OSBPL1A: variants seen among roughly 807,000 people sequenced by gnomAD.
The protein encoded by OSBPL1A is oxysterol-binding protein-related protein 1.
OSBPL1A carries 80 observed loss-of-function variants against 137.1 expected under a neutral mutation model. That is an observed-to-expected ratio of 0.58 (90% CI 0.49 to 0.70). The LOEUF (loss-of-function observed/expected upper bound fraction) is 0.70, where lower values mean the gene tolerates loss of function less well. Among genes scored for constraint, OSBPL1A ranks in the 30% least tolerant of loss-of-function variants. OSBPL1A has a pLI of 0.00. For synonymous variants in OSBPL1A, 365 were observed against 389.7 expected, an observed-to-expected ratio of 0.94 and a Z score of 0.75; for missense variants, 970 against 1,129.4, an observed-to-expected ratio of 0.86 and a Z score of 2.02.
At chr18:24,318,296 T>A (rs2090773245) in intron 9 of OSBPL1A, among the ~76,000 whole-genome samples, 1 of 151,852 alleles carries the variant, frequency 6.6e-6, no homozygotes, top group South Asian at 2.1e-4. Context: ...ACACAAAAAT[T>A]AGCCAGGCAC....
chr18:24,260,449 A>G (rs2089416473), intron 15 of OSBPL1A, among the ~76,000 whole-genome samples: 1 of 152,254 alleles, frequency 6.6e-6, no homozygotes, highest in South Asian at 2.1e-4. Context: ...TGTGATATAT[A>G]CATACCATAC....
At chr18:24,229,161 C>T (rs2088188182) in intron 16 of OSBPL1A, among the ~76,000 whole-genome samples, 1 of 152,146 alleles carries the variant, frequency 6.6e-6, no homozygotes, top group Non-Finnish European at 1.5e-5. Flanking sequence ...AAGATTGAAC[C>T]ACTGTACTCC....
chr18:24,167,822 T>C (rs375654662), intron 24 of OSBPL1A, among the ~76,000 whole-genome samples: 5 of 152,200 alleles, frequency 3.3e-5, no homozygotes, highest in Non-Finnish European at 7.3e-5. Context: ...CACTTACAAA[T>C]TGTAAATCAT....
chr18:24,298,574 G>A (rs148870349), intron 14 of OSBPL1A, among the ~76,000 whole-genome samples: 63 of 152,198 alleles, frequency 4.1e-4, no homozygotes, highest in African/African-American at 1.4e-3. Flanking sequence ...CTCGATCTCC[G>A]GACCTCGTGT....
chr18:24,349,061 G>C (rs370414237), intron 4 of OSBPL1A, among the ~76,000 whole-genome samples: 5 of 152,246 alleles, frequency 3.3e-5, no homozygotes, highest in East Asian at 3.9e-4. Flanking sequence ...TGGCTATTTG[G>C]GGGGCTGAGC....
intron 17 of OSBPL1A, among the ~76,000 whole-genome samples, chr18:24,222,051 C>T (rs950660721): frequency 6.6e-5 from 10 of 151,970 alleles, no homozygotes; most frequent in African/African-American, 2.4e-4. Flanking sequence ...GTGTGGCCTC[C>T]AAATAATACT....
chr18:24,190,939 A>G (rs2145937382), intron 18 of OSBPL1A, among the ~76,000 whole-genome samples: 1 of 152,374 alleles, frequency 6.6e-6, no homozygotes, highest in African/African-American at 2.4e-5. Context: ...TGAATGAGCT[A>G]AACCTTCAGT....
At chr18:24,318,076 A>C (rs1330760605) in intron 9 of OSBPL1A, among the ~76,000 whole-genome samples, 2 of 152,166 alleles carry the variant, frequency 1.3e-5, no homozygotes, top group African/African-American at 4.8e-5. Flanking sequence ...AACACCAAAA[A>C]AACACCTAAA....
At chr18:24,166,535 C>T (rs758116407) in intron 26 of OSBPL1A, 44 bp downstream of exon 26, 9 of 1,576,872 alleles carry the variant, frequency 5.7e-6, no homozygotes, top group Admixed American at 3.9e-5. Flanking sequence ...CATCATCCCC[C>T]GAGAAATGAG....
chr18:24,289,068 T>G (rs1043622768), intron 14 of OSBPL1A, among the ~76,000 whole-genome samples: 1 of 151,900 alleles, frequency 6.6e-6, no homozygotes, highest in Non-Finnish European at 1.5e-5. Context: ...ATTGAGTGAA[T>G]TGATGATGTA....
chr18:24,366,971 T>C lies in OSBPL1A; in HGVS notation c.208-5A>G, dbSNP rs2091712061. On this transcript the variant is annotated splice_polypyrimidine_tract_variant and splice_region_variant and intron_variant, in intron 3 of 27. Transcript: ENST00000319481. ...CACATTCACTTCTGCACCAGCCTAGTAAACATGACCACTTTAAATACCAAG... is the reference window on the plus strand; with the variant it reads ...CACATTCACTTCTGCACCAGCCTAGCAAACATGACCACTTTAAATACCAAG... 6 of 1,604,860 alleles carry C rather than the reference T, an allele frequency of 3.7e-6. No homozygotes were observed. The East Asian group carries it at 1.3e-4, about 36-fold the overall frequency.
intron 2 of OSBPL1A, among the ~76,000 whole-genome samples, chr18:24,369,778 TCA>T (rs1287343318): frequency 6.6e-6 from 1 of 152,222 alleles, no homozygotes; most frequent in Non-Finnish European, 1.5e-5. Context: ...TCCCAGAGCC[TCA>T]GTCTCTTTCA....
At chr18:24,259,905 A>G (rs1460734782) in intron 15 of OSBPL1A, among the ~76,000 whole-genome samples, 1 of 152,254 alleles carries the variant, frequency 6.6e-6, no homozygotes, top group Admixed American at 6.5e-5. Flanking sequence ...AGGAAATGGA[A>G]GGAAGTATTT....
intron 1 of OSBPL1A, among the ~76,000 whole-genome samples, chr18:24,379,309 CAGG>C (rs1438869529): frequency 1.7e-4 from 26 of 152,036 alleles, no homozygotes; most frequent in African/African-American, 6.3e-4. Context: ...CACTTGAGCC[CAGG>C]AGTTCAAGAC....
At position 24,243,697 on chromosome 18, in the gene OSBPL1A, A is replaced by G. The variant is rs74791513; in HGVS notation, c.1282-4315T>C. 6.0e-3 allele frequency among the ~76,000 whole-genome samples: 918 copies of G among 152,346 alleles called. 9 individuals are homozygous for G. The highest frequency in any genetic ancestry group is 0.022 in the African/African-American group (894 of 41,570). ...TAAAAGGGGTTGGAAACAGGACAGG[A>G]AGAGACTGAGGCTCTAGCCACATTC... On this transcript the variant is annotated intron_variant, in intron 15 of 27. Coordinates refer to ENST00000319481, the MANE Select transcript of OSBPL1A (RefSeq NM_080597.4).
At chr18:24,183,771 G>T (rs2086673312) in intron 18 of OSBPL1A, among the ~76,000 whole-genome samples, 1 of 152,172 alleles carries the variant, frequency 6.6e-6, no homozygotes, top group Non-Finnish European at 1.5e-5. Context: ...TGTCAGCTCT[G>T]TGTATTGACT....
At chr18:24,348,125 C>T (rs956868420) in intron 4 of OSBPL1A, among the ~76,000 whole-genome samples, 15 of 152,210 alleles carry the variant, frequency 9.9e-5, no homozygotes, top group Admixed American at 5.2e-4. Context: ...ACTCCCTAGA[C>T]TTTGGCAAAT....
At chr18:24,270,725 G>T (rs1490064060) in intron 15 of OSBPL1A, among the ~76,000 whole-genome samples, 1 of 152,118 alleles carries the variant, frequency 6.6e-6, no homozygotes, top group African/African-American at 2.4e-5. Flanking sequence ...AAGCAAGTTT[G>T]TATTTAGACA....
chr18:24,342,010 C>T (rs112701516), intron 4 of OSBPL1A, among the ~76,000 whole-genome samples: 44 of 152,292 alleles, frequency 2.9e-4, no homozygotes, highest in African/African-American at 9.6e-4. Flanking sequence ...AAGATCATTC[C>T]TCTAAGGCCT....
Sources: allele counts gnomAD v4.1 joint callset (sites outside exome capture counted in the v4.1 genomes callset), GRCh38; gene constraint gnomAD v4.1.1; transcripts MANE v1.5; gene names NCBI Gene and HGNC (gene_info 2026-07-23, HGNC 2026-07-21).